The following DNAJC1 variants were observed in gnomAD, a reference collection of about 807,000 sequenced individuals.
The protein encoded by DNAJC1 is dnaJ homolog subfamily C member 1.
A neutral mutation model predicts 76.6 loss-of-function variants in DNAJC1; 58 were observed. The ratio of observed to expected loss-of-function variants is 0.76; its 90% CI spans 0.61 to 0.94. The LOEUF is 0.94. Among genes scored for constraint, DNAJC1 ranks in the 40% least tolerant of loss-of-function variants. DNAJC1 has a pLI of 0.00. For missense variants in DNAJC1, 689 were observed against 677.3 expected, an observed-to-expected ratio of 1.02 and a Z score of -0.19; for synonymous variants, 258 against 267.9, an observed-to-expected ratio of 0.96 and a Z score of 0.36.
At chr10:21,895,865 T>C (rs1332013226) in intron 7 of DNAJC1, among the ~76,000 whole-genome samples, 2 of 152,148 alleles carry the variant, frequency 1.3e-5, no homozygotes, top group African/African-American at 2.4e-5. Context: ...GGCTTGTTGC[T>C]CAGGATGTCT....
chr10:21,908,102 A>T (rs112133477), intron 6 of DNAJC1, among the ~76,000 whole-genome samples: 2 of 111,360 alleles, frequency 1.8e-5, no homozygotes, highest in East Asian at 2.2e-4. Flanking sequence ...AAATATATAT[A>T]ATATATAAAA....
chr10:21,854,491 A>G (rs992058501), intron 8 of DNAJC1, among the ~76,000 whole-genome samples: 2 of 152,090 alleles, frequency 1.3e-5, no homozygotes, highest in Non-Finnish European at 2.9e-5. Flanking sequence ...AATAAAATCT[A>G]ATTAATTTAA....
intron 8 of DNAJC1, among the ~76,000 whole-genome samples, chr10:21,828,556 T>C (rs1423091449): frequency 2.6e-5 from 4 of 152,280 alleles, no homozygotes; most frequent in African/African-American, 4.8e-5. Flanking sequence ...AGTCTTAAGA[T>C]CAAAAAATTT....
At chr10:21,853,428 A>C (rs1013156302) in intron 8 of DNAJC1, among the ~76,000 whole-genome samples, 12 of 152,124 alleles carry the variant, frequency 7.9e-5, no homozygotes, top group Admixed American at 7.9e-4. Context: ...GAGAGAGTAA[A>C]CTGACCACGT....
rs571752436 is a variant in DNAJC1, at chr10:21,963,962, C to CT, written c.223-34822dup. Among the ~76,000 whole-genome samples the CT allele has an allele frequency of 2.6e-5, 4 of 152,146 alleles. No individual in the cohort carries two copies. The East Asian group carries it at 7.7e-4, about 29-fold the overall frequency. ...TCCTAAACTCTTAGGGACCACAGGC[C>CT]TTAGGGCATTCTTTCCCCACCCCTA... On this transcript the variant is annotated intron_variant, in intron 1 of 11. Transcript: ENST00000376980.
chr10:21,836,898 T>A (rs1835469475), intron 8 of DNAJC1, among the ~76,000 whole-genome samples: 1 of 152,136 alleles, frequency 6.6e-6, no homozygotes, highest in Non-Finnish European at 1.5e-5. Context: ...CCTCTCCCTC[T>A]CCCTCTCCGT....
Position 21,999,196 on chromosome 10 carries a change from C to G in DNAJC1, c.222+4017G>C, listed in dbSNP as rs79454357. 1.4e-4 allele frequency among the ~76,000 whole-genome samples: 21 copies of G among 152,280 alleles called. No homozygotes were observed. The East Asian group carries it at 3.9e-3, about 28-fold the overall frequency. On this transcript the variant is annotated intron_variant, in intron 1 of 11. Coordinates refer to ENST00000376980, the MANE Select transcript of DNAJC1 (RefSeq NM_022365.4). ...CATTCTCTCCTGAACCCAATCTACC[C>G]AGACTACTGAACTCACCACTTCACC...
chr10:21,873,266 G>T (rs541339226), intron 8 of DNAJC1, among the ~76,000 whole-genome samples: 17 of 152,178 alleles, frequency 1.1e-4, no homozygotes, highest in Middle Eastern at 3.4e-3. Flanking sequence ...CTACAACTTG[G>T]TGTCTGAGGG....
At chr10:21,818,513 A>AC (rs1190420390) in intron 8 of DNAJC1, among the ~76,000 whole-genome samples, 2 of 152,220 alleles carry the variant, frequency 1.3e-5, no homozygotes, top group Non-Finnish European at 2.9e-5. Context: ...TGTGACCCAC[A>AC]CCCTTTTCGT....
intron 8 of DNAJC1, among the ~76,000 whole-genome samples, chr10:21,810,987 T>A (rs904674371): frequency 2.6e-5 from 4 of 152,248 alleles, no homozygotes; most frequent in African/African-American, 4.8e-5. Context: ...TTTACCCAGC[T>A]ACCACGGGGT....
chr10:21,839,727 G>A (rs1420032287), intron 8 of DNAJC1, among the ~76,000 whole-genome samples: 1 of 152,144 alleles, frequency 6.6e-6, no homozygotes, highest in Non-Finnish European at 1.5e-5. Context: ...TAGAAAAAGA[G>A]GGAATCCTCC....
chr10:21,888,778 G>T (rs1332452037), intron 7 of DNAJC1, among the ~76,000 whole-genome samples: 1 of 152,154 alleles, frequency 6.6e-6, no homozygotes, highest in African/African-American at 2.4e-5. Context: ...TCTACTTGAG[G>T]TTGGAGGGTG....
chr10:21,882,217 C>A, intron 8 of DNAJC1, 65 bp downstream of exon 8: 2 of 1,422,466 alleles, frequency 1.4e-6, no homozygotes, highest in Non-Finnish European at 1.9e-6. Context: ...CGTGAGCTAA[C>A]CCTGTATTTT....
intron 7 of DNAJC1, among the ~76,000 whole-genome samples, chr10:21,896,952 A>G (rs920967335): frequency 3.3e-5 from 5 of 152,302 alleles, no homozygotes; most frequent in African/African-American, 1.2e-4. Flanking sequence ...TTGTGAGGAC[A>G]TGTGTTTGTG....
chr10:21,808,310 TA>T (rs1366552812), intron 8 of DNAJC1, among the ~76,000 whole-genome samples: 1 of 152,152 alleles, frequency 6.6e-6, no homozygotes, highest in Non-Finnish European at 1.5e-5. Flanking sequence ...TCTGCATACA[TA>T]AACATTGACA....
chr10:21,959,273 T>G (rs1027207413), intron 1 of DNAJC1, among the ~76,000 whole-genome samples: 8 of 151,902 alleles, frequency 5.3e-5, no homozygotes, highest in African/African-American at 1.7e-4. Context: ...TACAGGTGTC[T>G]GCCACCAGGC....
chr10:21,814,282 CT>C (rs1835039065), intron 8 of DNAJC1, among the ~76,000 whole-genome samples: 1 of 152,174 alleles, frequency 6.6e-6, no homozygotes, highest in Non-Finnish European at 1.5e-5. Flanking sequence ...TAAAGGCATC[CT>C]TATTGTTCCT....
At chr10:21,856,812 C>T (rs984313641) in intron 8 of DNAJC1, among the ~76,000 whole-genome samples, 2 of 152,082 alleles carry the variant, frequency 1.3e-5, no homozygotes, top group African/African-American at 4.8e-5. Flanking sequence ...TCTCGGCTCA[C>T]TGCCACCTCT....
chr10:21,881,430 T>A (rs1362610119), intron 8 of DNAJC1, among the ~76,000 whole-genome samples: 1 of 152,170 alleles, frequency 6.6e-6, no homozygotes, highest in Non-Finnish European at 1.5e-5. Flanking sequence ...ATCATTTTTA[T>A]GTAAAGTGAT....
Sources: allele counts gnomAD v4.1 joint callset (sites outside exome capture counted in the v4.1 genomes callset), GRCh38; gene constraint gnomAD v4.1.1; transcripts MANE v1.5; gene names NCBI Gene and HGNC (gene_info 2026-07-23, HGNC 2026-07-21).